The following PRRC2A variants were observed in gnomAD, a reference collection of about 807,000 sequenced individuals.
PRRC2A encodes the protein protein PRRC2A.
In PRRC2A, 59 loss-of-function variants were observed where a neutral mutation model predicts 224.6. That is an observed-to-expected ratio of 0.26 (90% confidence interval 0.21 to 0.33). The LOEUF (loss-of-function observed/expected upper bound fraction) is 0.33, where lower values mean the gene tolerates loss of function less well. Ranked by LOEUF, PRRC2A falls within the 10% of genes least tolerant of loss-of-function variation. The probability of loss-of-function intolerance (pLI) is 1.00; values close to 1 mark genes in which losing one functional copy is unlikely to be tolerated. For synonymous variants in PRRC2A, 1,194 were observed against 1,109.5 expected, an observed-to-expected ratio of 1.08 and a Z score of -1.51; for missense variants, 3,095 against 2,880.7, an observed-to-expected ratio of 1.07 and a Z score of -1.70.
In PRRC2A at chr6:31,624,468, A is replaced by C. The variant is rs2150495973; in HGVS notation, c.409A>C (p.Ser137Arg). Residue 137 changes from serine to arginine, a missense_variant, in exon 5 of 31, where the codon AGC (serine) becomes CGC (arginine). This residue lies in a region of PRRC2A where 287 missense variants were observed against 275.3 expected (regional missense o/e 1.04). Coordinates refer to ENST00000376033, the MANE Select transcript of PRRC2A (RefSeq NM_004638.4). The stretch of plus-strand genomic sequence containing the variant: ...TCCCCAGAACACTCCTTTGGTTCCA[A>C]GCGGGGTAAAGTCCTGGGCACAAGC... ...AAPENTPLVPSGVKSWAQASV... is the reference protein window; with the variant it reads ...AAPENTPLVPRGVKSWAQASV... 1.2e-6 allele frequency: 2 copies of C among 1,613,852 alleles called. No homozygotes were observed. The highest frequency in any genetic ancestry group is 4.5e-5 in the East Asian group (2 of 44,884).
chr6:31,629,113 A>C, intron 12 of PRRC2A, 31 bp from the exon 13 acceptor site: 1 of 1,609,434 alleles, frequency 6.2e-7, no homozygotes, highest in Non-Finnish European at 8.5e-7. Flanking sequence ...TTGTTGGACT[A>C]GATCACTCTG....
chr6:31,633,245 T>C (rs2844465), intron 16 of PRRC2A, 134 bp from the exon 17 acceptor site: 504,422 of 1,306,178 alleles, frequency 0.39, 100,641 homozygotes, highest in African/African-American at 0.6. Flanking sequence ...TGCATAGGAA[T>C]CCTTAGAAGG....
At position 31,631,643 on chromosome 6, in the gene PRRC2A, G is replaced by A; in HGVS notation, c.2970G>A (p.Lys990=). The stretch of plus-strand genomic sequence containing the variant: ...ACCCACTCAAGATAACCAAGGGGAA[G>A]CTAGGGGGCCCCAAGGAGACCCCAC... ...KPDPLKITKG[K]LGGPKETPPN... is the part of the protein sequence containing the mutation. The change falls in exon 16 of 31, where the codon AAG becomes AAA. Residue 990 remains lysine, a synonymous_variant. Coordinates refer to ENST00000376033, the MANE Select transcript of PRRC2A (RefSeq NM_004638.4). This position sits in a 1 kb window ranked among gnomAD's most constrained non-coding sequence, Gnocchi z 4.5. 6.6e-7 allele frequency: 1 copy of A among 1,517,964 alleles called. No individual in the cohort carries two copies. Among genetic ancestry groups the A allele is most frequent in the Non-Finnish European group, 8.8e-7 (1 of 1,135,654 alleles). The allele number at this position is 1,517,964 out of a possible 1,614,324, so 94.0% of individuals were successfully genotyped here.
In PRRC2A at chr6:31,633,507, TTAG is replaced by T. The variant is rs747384533; in HGVS notation, c.4452_4454del (p.Ser1485del). The stretch of plus-strand genomic sequence containing the variant: ...GGCATCCAACAGGCTCTGGCCCAGC[TTAG>T]TAGCCGTCAAGGGAGTGTAACTGCA... On this transcript the variant is annotated inframe_deletion, in exon 17 of 31. Coordinates refer to ENST00000376033, the MANE Select transcript of PRRC2A (RefSeq NM_004638.4). 6.8e-6 allele frequency: 11 copies of T among 1,612,970 alleles called. No individual in the cohort carries two copies. The highest frequency in any genetic ancestry group is 4.0e-5 in the African/African-American group (3 of 74,920).
At chr6:31,621,053 C>G (rs533760647) in intron 1 of PRRC2A, among the ~76,000 whole-genome samples, 195 bp downstream of exon 1, 2 of 152,332 alleles carry the variant, frequency 1.3e-5, no homozygotes, top group African/African-American at 4.8e-5. Context: ...ACCCGCACCT[C>G]CGGCAGTTCA....
At chr6:31,626,218 G>GA (rs892077523) in intron 9 of PRRC2A, 56 bp downstream of exon 9, 997 of 1,522,198 alleles carry the variant, frequency 6.5e-4, no homozygotes, top group Non-Finnish European at 6.8e-4. Flanking sequence ...ACCTAATGAG[G>GA]AAAAAAAAAT....
In PRRC2A at chr6:31,637,533, G is replaced by T; in HGVS notation, c.6421G>T (p.Glu2141Ter). 1 of 1,592,100 alleles carries T rather than the reference G, an allele frequency of 6.3e-7. No homozygotes were observed. Among genetic ancestry groups the T allele is most frequent in the South Asian group, 1.1e-5 (1 of 88,612 alleles). Residue 2141 changes from glutamate to a stop codon, truncating the protein, a stop_gained, in exon 31 of 31, where the codon GAG becomes TAG. Transcript: ENST00000376033. LOFTEE classifies it high-confidence loss of function. ...TCGAGAAGGGCCCTCCCGACGGGCA[G>T]AGGAGCCTGGGTCCCGAGGGGACAA... is the stretch of plus-strand genomic sequence containing the variant. ...PPREGPSRRA[E>*]EPGSRGDKEP... is the part of the protein sequence containing the mutation.
chr6:31,625,841 C>T lies in PRRC2A; in HGVS notation c.809C>T (p.Pro270Leu). 6.3e-7 allele frequency: 1 copy of T among 1,591,716 alleles called. No individual in the cohort carries two copies. The highest frequency in any genetic ancestry group is 8.6e-7 in the Non-Finnish European group (1 of 1,160,726). ...CCTCCGCCCTATGGACCCCAGGGGC[C>T]TTACCGATACCCCACTCCTGATGGG... ...PFPPPYGPQG[P>L]YRYPTPDGPS... Residue 270 changes from proline to leucine, a missense_variant, in exon 8 of 31, where the codon CCT becomes CTT. Pro to Leu is a moderately conservative substitution (Grantham distance 98). This residue lies in a region of PRRC2A where 287 missense variants were observed against 275.3 expected (regional missense o/e 1.04). Transcript: ENST00000376033. This position sits in a 1 kb window ranked among gnomAD's most constrained non-coding sequence, Gnocchi z 4.1.
Position 31,632,498 on chromosome 6 carries a change from C to G in PRRC2A, c.3825C>G (p.Pro1275=). The G allele has an allele frequency of 6.2e-7, 1 of 1,607,960 alleles. No individual in the cohort carries two copies. The highest frequency in any genetic ancestry group is 8.5e-7 in the Non-Finnish European group (1 of 1,176,670). The change falls in exon 16 of 31, where the codon CCC becomes CCG. Residue 1275 remains proline, a synonymous_variant. Coordinates refer to ENST00000376033, the MANE Select transcript of PRRC2A (RefSeq NM_004638.4). ...ENAARGSEGK[P]SLTLPASAPG... ...CCGCAAGGGGGTCTGAGGGCAAGCC[C>G]TCCCTAACCCTTCCAGCCTCCGCTC...
rs913471298 is a variant in PRRC2A, at chr6:31,632,092, C to T, written c.3419C>T (p.Pro1140Leu). ...CTCACCCAGGTCCCTCTCGCTCCCC[C>T]ACCACCAGGAGCCCCACCTTCACCA... is the stretch of plus-strand genomic sequence containing the variant. ...GTLTQVPLAP[P>L]PPGAPPSPAP... Residue 1140 changes from proline (P) to leucine (L), a missense_variant, in exon 16 of 31, where the codon CCA (proline) becomes CTA (leucine). Pro to Leu is a moderately conservative substitution (Grantham distance 98, BLOSUM62 -3). Transcript: ENST00000376033. 9.7e-6 allele frequency: 15 copies of T among 1,552,456 alleles called. No individual in the cohort carries two copies. Among genetic ancestry groups the T allele is most frequent in the East Asian group, 4.5e-5 (2 of 44,298 alleles).
chr6:31,635,775 C>T (rs1019082777), intron 24 of PRRC2A, 26 bp downstream of exon 24: 16 of 1,556,414 alleles, frequency 1.0e-5, no homozygotes, highest in East Asian at 2.3e-5. Flanking sequence ...CATTGCATGA[C>T]CCCTTCAGTG....
Position 31,625,968 on chromosome 6 carries a change from C to T in PRRC2A, c.840-52C>T. ...CCAGGAGGCTCAGTCTAGGATCAGT[C>T]TCGCATGTGGTTATACAACATGCCA... On this transcript the variant is annotated intron_variant, in intron 8 of 30. Coordinates refer to ENST00000376033, the MANE Select transcript of PRRC2A (RefSeq NM_004638.4). The surrounding 1 kb of genome is among the most constrained non-coding windows in gnomAD (Gnocchi z 4.1). 6.2e-7 allele frequency: 1 copy of T among 1,602,176 alleles called. No homozygotes were observed. The highest frequency in any genetic ancestry group is 8.5e-7 in the Non-Finnish European group (1 of 1,172,826).
chr6:31,634,623 T>TG, intron 20 of PRRC2A, 66 bp downstream of exon 20: 2 of 1,589,416 alleles, frequency 1.3e-6, no homozygotes, highest in Non-Finnish European at 1.7e-6. Context: ...ACCCCCCACC[T>TG]GCTCTGGGTT....
In PRRC2A at chr6:31,631,459, G is replaced by A. The variant is rs764262974; in HGVS notation, c.2786G>A (p.Arg929His). Reference sequence around the variant, plus strand: ...CGCACAGAGACCCGCTGGGGCCCTCGTCCAGGGAGCAGTCGTCGTGGAATC... The same window carrying A: ...CGCACAGAGACCCGCTGGGGCCCTCATCCAGGGAGCAGTCGTCGTGGAATC... ...ESRTETRWGP[R>H]PGSSRRGIPP... Residue 929 changes from arginine (R) to histidine (H), a missense_variant, in exon 16 of 31, where the codon CGT becomes CAT. Physicochemically the swap from Arg to His is conservative, Grantham distance 29. Transcript: ENST00000376033. This position sits in a 1 kb window ranked among gnomAD's most constrained non-coding sequence, Gnocchi z 4.5. 2.1e-5 allele frequency: 34 copies of A among 1,609,888 alleles called. No homozygotes were observed. Among genetic ancestry groups the A allele is most frequent in the Admixed American group, 5.0e-5 (3 of 59,524 alleles).
At position 31,629,305 on chromosome 6, in the gene PRRC2A, T is replaced by C. The variant is rs1422989842; in HGVS notation, c.1927T>C (p.Leu643=). The part of the protein sequence containing the change: ...GLGYPKYQKS[L]PPRFQRQQQE... ...GGGCTACCCCAAATATCAGAAGTCG[T>C]TGCCTCCTCGTTTCCAGCGGCAGCA... The change falls in exon 13 of 31, where the codon TTG becomes CTG. Residue 643 remains leucine (L), a synonymous_variant. Coordinates refer to ENST00000376033, the MANE Select transcript of PRRC2A (RefSeq NM_004638.4). 6.3e-7 allele frequency: 1 copy of C among 1,576,244 alleles called. No individual in the cohort carries two copies. The highest frequency in any genetic ancestry group is 8.6e-7 in the Non-Finnish European group (1 of 1,161,834).
Position 31,632,018 on chromosome 6 carries a change from T to C in PRRC2A, c.3345T>C (p.Ser1115=), listed in dbSNP as rs912183307. 3 of 1,604,550 alleles carry C rather than the reference T, an allele frequency of 1.9e-6. No individual in the cohort carries two copies. The highest frequency in any genetic ancestry group is 1.3e-5 in the African/African-American group (1 of 74,642). Residue 1115 remains serine (S), a synonymous_variant, in exon 16 of 31, where the codon AGT becomes AGC. Transcript: ENST00000376033. ...GSETGSETHE[S]DLAPSDKEAP... ...AAACAGGCAGCGAGACCCATGAGAG[T>C]GATCTGGCTCCTTCAGACAAGGAGG... is the stretch of plus-strand genomic sequence containing the variant.
Position 31,632,035 on chromosome 6 carries a change from A to G in PRRC2A, c.3362A>G (p.Asp1121Gly). 1.3e-6 allele frequency: 2 copies of G among 1,594,372 alleles called. No homozygotes were observed. Among genetic ancestry groups the G allele is most frequent in the Non-Finnish European group, 1.7e-6 (2 of 1,168,356 alleles). The change falls in exon 16 of 31, where the codon GAC (aspartate) becomes GGC (glycine). Residue 1121 changes from aspartate to glycine, a missense_variant. By Grantham distance (94) the Asp-to-Gly change is moderately conservative. This residue lies in a region of PRRC2A where 2,001 missense variants were observed against 1,764.9 expected (regional missense o/e 1.13). Coordinates refer to ENST00000376033, the MANE Select transcript of PRRC2A (RefSeq NM_004638.4). Reference protein sequence around the residue: ...ETHESDLAPSDKEAPTPKEGT... With the variant: ...ETHESDLAPSGKEAPTPKEGT... ...CATGAGAGTGATCTGGCTCCTTCAG[A>G]CAAGGAGGCTCCCACACCCAAGGAG...
Position 31,632,022 on chromosome 6 carries a change from C to G in PRRC2A, c.3349C>G (p.Leu1117Val), listed in dbSNP as rs963449851. ...AGGCAGCGAGACCCATGAGAGTGAT[C>G]TGGCTCCTTCAGACAAGGAGGCTCC... ...ETGSETHESD[L>V]APSDKEAPTP... Residue 1117 changes from leucine (L) to valine (V), a missense_variant, in exon 16 of 31, where the codon CTG (leucine) becomes GTG (valine). Coordinates refer to ENST00000376033, the MANE Select transcript of PRRC2A (RefSeq NM_004638.4). 5 of 1,601,942 alleles carry G rather than the reference C, an allele frequency of 3.1e-6. No homozygotes were observed. The African/African-American group carries it at 4.0e-5, about 13-fold the overall frequency.
Position 31,630,687 on chromosome 6 carries a change from C to A in PRRC2A, c.2351C>A (p.Pro784Gln). ...PAMLRERGTP[P>Q]VDPKLAWVGD... Reference sequence around the variant, plus strand: ...ATGTTACGGGAACGGGGCACTCCACCGGTGGATCCAAAGTTGGCCTGGGTA... The same window carrying A: ...ATGTTACGGGAACGGGGCACTCCACAGGTGGATCCAAAGTTGGCCTGGGTA... Residue 784 changes from proline (P) to glutamine (Q), a missense_variant, in exon 15 of 31, where the codon CCG becomes CAG. Coordinates refer to ENST00000376033, the MANE Select transcript of PRRC2A (RefSeq NM_004638.4). 6.2e-7 allele frequency: 1 copy of A among 1,614,100 alleles called. No homozygotes were observed. Among genetic ancestry groups the A allele is most frequent in the Non-Finnish European group, 8.5e-7 (1 of 1,180,020 alleles).
Sources: gnomAD v4.1 joint callset for allele counts (sites outside exome capture counted in the v4.1 genomes callset) on GRCh38, gnomAD v4.1.1 for gene constraint, gnomAD v4.1.1 regional missense constraint, Gnocchi (gnomAD v3.1) non-coding constraint, MANE v1.5 for transcripts, NCBI Gene and HGNC (gene_info 2026-07-23, HGNC 2026-07-21) for gene names.